PISD: variants seen among roughly 807,000 people sequenced by gnomAD.
PISD encodes phosphatidylserine decarboxylase proenzyme, mitochondrial.
Under a neutral mutation model 43.5 loss-of-function variants are expected in PISD, and 31 were observed. The observed-to-expected ratio is 0.71, with a 90% CI of 0.54 to 0.96. The LOEUF (loss-of-function observed/expected upper bound fraction) is 0.96, where lower values mean the gene tolerates loss of function less well. Among genes scored for constraint, PISD ranks in the 40% least tolerant of loss-of-function variants. The probability of loss-of-function intolerance (pLI) is 0.00; values close to 1 mark genes in which losing one functional copy is unlikely to be tolerated. For missense variants in PISD, 523 were observed against 548.4 expected (o/e 0.95, Z 0.46); for synonymous variants, 259 against 228.7 (o/e 1.13, Z -1.20).
rs529049516 is a variant in PISD at position 31,637,200 on chromosome 22, T to C, written c.321+10901A>G. On this transcript the variant is annotated intron_variant, in intron 3 of 7. Transcript: ENST00000439502. The stretch of plus-strand genomic sequence containing the variant: ...ATATATATATATATATATATATATA[T>C]ATATATAGAAAAATTAGCCGGGCAT... 5.9e-3 allele frequency among the ~76,000 whole-genome samples: 538 copies of C among 90,942 alleles called. 14 individuals are homozygous for C. Among genetic ancestry groups the C allele is most frequent in the Non-Finnish European group, 8.2e-3 (392 of 47,564 alleles). 59.7% of individuals were successfully genotyped at this position (90,942 alleles called of 152,430 possible). A position where few individuals can be genotyped will look rare whatever the true frequency, so the allele number is the denominator to read the frequency against.
At chr22:31,624,651 A>T (rs994022895) in intron 3 of PISD, among the ~76,000 whole-genome samples, 1 of 139,690 alleles carries the variant, frequency 7.2e-6, no homozygotes, top group African/African-American at 2.6e-5. Flanking sequence ...GGCTGCACAG[A>T]CAGACACACA....
Position 31,637,166 on chromosome 22 carries a change from T to A in PISD, c.321+10935A>T, listed in dbSNP as rs12166468. ...ATTAAAAAAAAAAAAAAAAAAAAAA[T>A]ATATATATATATATATATATATATA... On this transcript the variant is annotated intron_variant, in intron 3 of 7. Transcript: ENST00000439502. Among the ~76,000 whole-genome samples the A allele has an allele frequency of 2.4e-3, 40 of 16,358 alleles. 1 individual carries two copies. The highest frequency in any genetic ancestry group is 6.2e-3 in the African/African-American group (15 of 2,402). The allele number at this position is 16,358 out of a possible 152,430, so 10.7% of individuals were successfully genotyped here. A position where few individuals can be genotyped will look rare whatever the true frequency, so the allele number is the denominator to read the frequency against.
intron 3 of PISD, among the ~76,000 whole-genome samples, chr22:31,631,178 T>G (rs970151648): frequency 3.4e-4 from 52 of 152,290 alleles, no homozygotes; most frequent in African/African-American, 1.3e-3. Flanking sequence ...GCCGCCTGTC[T>G]GCAGCCCGTG....
chr22:31,662,002 T>G (rs1227795833), intron 1 of PISD, 142 bp downstream of exon 1: 1 of 730,304 alleles, frequency 1.4e-6, no homozygotes, highest in Non-Finnish European at 2.4e-6. Context: ...TCGCACCTGC[T>G]CCTAAGCTCG....
intron 1 of PISD, among the ~76,000 whole-genome samples, chr22:31,658,192 T>C (rs1276415185): frequency 6.6e-6 from 1 of 152,230 alleles, no homozygotes; most frequent in East Asian, 1.9e-4. Context: ...AACAGATGTC[T>C]CTTCTACATG....
chr22:31,658,295 C>A (rs1320795940), intron 1 of PISD, among the ~76,000 whole-genome samples: 1 of 152,228 alleles, frequency 6.6e-6, no homozygotes, highest in Non-Finnish European at 1.5e-5. Context: ...GCTGCCACTT[C>A]TTAGCAGCTG....
rs1413395364 is a variant in PISD, at chr22:31,637,150, AAAAAAAAAAAAAAAATATATATAT to A, written c.321+10927_321+10950del. On this transcript the variant is annotated intron_variant, in intron 3 of 7. Coordinates refer to ENST00000439502, the MANE Select transcript of PISD (RefSeq NM_001326411.2). ...AAATAATAATAAATAAATTAAAAAAAAAAAAAAAAAAAAAATATATATATATATATATATATATATATATATATA... is the reference window on the plus strand; with the variant it reads ...AAATAATAATAAATAAATTAAAAAAAATATATATATATATATATATATATA... Among the ~76,000 whole-genome samples, 125 of 19,298 alleles carry A rather than the reference AAAAAAAAAAAAAAAATATATATAT, an allele frequency of 6.5e-3. 5 individuals are homozygous for A. The highest frequency in any genetic ancestry group is 0.025 in the African/African-American group (117 of 4,700). 12.7% of individuals were successfully genotyped at this position (19,298 alleles called of 152,430 possible).
chr22:31,620,496 C>A lies in PISD; in HGVS notation c.1005+57G>T, dbSNP rs1053068180. The stretch of plus-strand genomic sequence containing the variant: ...CGCATCCGCCGCACAGCAGACAAGG[C>A]AGGTAGACCCAAGAGGTCTGGCCCT... On this transcript the variant is annotated intron_variant, in intron 7 of 7. Transcript: ENST00000439502. 11 of 1,560,452 alleles carry A rather than the reference C, an allele frequency of 7.0e-6. No individual in the cohort carries two copies. In the African/African-American group the frequency reaches 1.2e-4, roughly 17 times the overall value.
Position 31,619,478 on chromosome 22 carries a change from A to G in PISD, c.*134T>C, listed in dbSNP as rs1420978804. 1.4e-6 allele frequency: 1 copy of G among 722,550 alleles called. No homozygotes were observed. Among genetic ancestry groups the G allele is most frequent in the Non-Finnish European group, 2.5e-6 (1 of 398,238 alleles). 44.8% of individuals were successfully genotyped at this position (722,550 alleles called of 1,614,324 possible). ...GGAACAGGTGGTAGCCGAATCATTC[A>G]AGTCCTACCTGGTCAGACTCCCAAC... is the stretch of plus-strand genomic sequence containing the variant. On this transcript the variant is annotated 3_prime_UTR_variant, in exon 8 of 8. Coordinates refer to ENST00000439502, the MANE Select transcript of PISD (RefSeq NM_001326411.2).
At chr22:31,635,713 G>A (rs1415781348) in intron 3 of PISD, among the ~76,000 whole-genome samples, 1 of 152,164 alleles carries the variant, frequency 6.6e-6, no homozygotes, top group Non-Finnish European at 1.5e-5. Context: ...GGCTGTATGA[G>A]CCACCGTTCC....
chr22:31,654,032 C>G (rs944597393), intron 1 of PISD, among the ~76,000 whole-genome samples: 2 of 152,182 alleles, frequency 1.3e-5, no homozygotes, highest in Non-Finnish European at 2.9e-5. Flanking sequence ...CTAAAAAGAG[C>G]TCTCCACTCA....
At chr22:31,639,576 A>G (rs898850730) in intron 3 of PISD, among the ~76,000 whole-genome samples, 1 of 152,214 alleles carries the variant, frequency 6.6e-6, no homozygotes, top group Non-Finnish European at 1.5e-5. Context: ...AATTTGAGAT[A>G]TAATCTAAAA....
chr22:31,632,510 G>A (rs1227914572), intron 3 of PISD, among the ~76,000 whole-genome samples: 1 of 152,184 alleles, frequency 6.6e-6, no homozygotes, highest in Non-Finnish European at 1.5e-5. Flanking sequence ...TCTGTGTGGA[G>A]TGTGCACGTT....
intron 3 of PISD, chr22:31,628,895 G>A (rs2073052168): frequency 2.0e-6 from 2 of 985,294 alleles, no homozygotes; most frequent in Non-Finnish European, 2.4e-6. Context: ...GTGGGGGCAG[G>A]GGTTTCCACC....
intron 1 of PISD, among the ~76,000 whole-genome samples, chr22:31,656,318 T>C (rs987818856): frequency 1.3e-5 from 2 of 151,680 alleles, no homozygotes; most frequent in Non-Finnish European, 2.9e-5. Flanking sequence ...CACTCCAGCC[T>C]GGGCATGACA....
At chr22:31,640,405 C>T (rs981151569) in intron 3 of PISD, among the ~76,000 whole-genome samples, 4 of 151,878 alleles carry the variant, frequency 2.6e-5, no homozygotes, top group Admixed American at 6.6e-5. Context: ...CCACGTTGCG[C>T]GGATTGGTCT....
Position 31,619,447 on chromosome 22 carries a change from A to G in PISD, c.*165T>C, listed in dbSNP as rs112124795. The G allele has an allele frequency of 2.8e-4, 193 of 696,344 alleles. No homozygotes were observed. The Middle Eastern group carries it at 4.0e-3, about 14-fold the overall frequency. The allele number at this position is 696,344 out of a possible 1,614,324, so 43.1% of individuals were successfully genotyped here. On this transcript the variant is annotated 3_prime_UTR_variant, in exon 8 of 8. Coordinates refer to ENST00000439502, the MANE Select transcript of PISD (RefSeq NM_001326411.2). ...GGGGCTCTCGCCACCTCTTGTCTGC[A>G]CCTCTGGAACAGGTGGTAGCCGAAT...
At chr22:31,627,998 C>T (rs1294324701) in intron 3 of PISD, 37 of 983,798 alleles carry the variant, frequency 3.8e-5, no homozygotes, top group Non-Finnish European at 4.1e-5. Context: ...GCTGGGGCAC[C>T]GCACCTGCCA....
chr22:31,638,929 C>A (rs2073604807), intron 3 of PISD, among the ~76,000 whole-genome samples: 1 of 150,598 alleles, frequency 6.6e-6, no homozygotes, highest in Non-Finnish European at 1.5e-5. Context: ...GAGGTCGAGG[C>A]CGTGGTGAGC....
Sources: allele counts gnomAD v4.1 joint callset (sites outside exome capture counted in the v4.1 genomes callset), GRCh38; gene constraint gnomAD v4.1.1; transcripts MANE v1.5; gene names NCBI Gene and HGNC (gene_info 2026-07-23, HGNC 2026-07-21).